Variants in NBEA observed in about 807,000 individuals in gnomAD.
NBEA encodes neurobeachin, also known as lysosomal-trafficking regulator 2.
A neutral mutation model predicts 343.4 loss-of-function variants in NBEA; 44 were observed. The observed-to-expected ratio is 0.13, with a 90% CI of 0.10 to 0.16. The LOEUF (loss-of-function observed/expected upper bound fraction) is 0.16. NBEA is among the 10% of genes least tolerant of loss of function. The pLI, the probability that NBEA is intolerant of heterozygous loss-of-function variation, is 1.00. For synonymous variants in NBEA, 1,175 were observed against 1,238.7 expected, an observed-to-expected ratio of 0.95 and a Z score of 1.08; for missense variants, 2,555 against 3,631.3, an observed-to-expected ratio of 0.70 and a Z score of 7.62.
intron 1 of NBEA, among the ~76,000 whole-genome samples, chr13:34,962,249 C>G (rs1423316979): frequency 6.6e-6 from 1 of 151,800 alleles, no homozygotes; most frequent in Non-Finnish European, 1.5e-5. Flanking sequence ...TCTAGCATGC[C>G]CTCTTTTTCT....
intron 49 of NBEA, among the ~76,000 whole-genome samples, chr13:35,639,956 CAAAA>C (rs1256138156): frequency 3.2e-5 from 2 of 63,310 alleles, no homozygotes; most frequent in Admixed American, 1.8e-4. Flanking sequence ...TTACATTTAC[CAAAA>C]AAAAAAAAAA....
chr13:35,567,067 A>G (rs1404133669), intron 45 of NBEA, 50 bp downstream of exon 45: 2 of 970,728 alleles, frequency 2.1e-6, no homozygotes, highest in Non-Finnish European at 1.6e-6. Context: ...GCTATAGTCT[A>G]ATAGTATTTC....
intron 34 of NBEA, among the ~76,000 whole-genome samples, chr13:35,249,657 C>T (rs1261448863): frequency 6.5e-4 from 99 of 152,202 alleles, no homozygotes; most frequent in African/African-American, 2.3e-3. Context: ...GTATGGAAAA[C>T]AGTATGGCAT....
rs189874824 is a variant in NBEA at position 35,653,181 on chromosome 13, C to G, written c.8035+1305C>G. Among the ~76,000 whole-genome samples, 546 of 152,126 alleles carry G rather than the reference C, an allele frequency of 3.6e-3. 3 individuals carry two copies. The highest frequency in any genetic ancestry group is 5.6e-3 in the Non-Finnish European group (383 of 67,994). On this transcript the variant is annotated intron_variant, in intron 53 of 58. Transcript: ENST00000379939. The stretch of plus-strand genomic sequence containing the variant: ...GCATCTTAGTCTTTCGAGGCCCTTC[C>G]GGTTTCATATATGTAAGACAGTTTT...
In NBEA at chr13:35,202,395, A is replaced by C. The variant is rs137905401; in HGVS notation, c.5366+6093A>C. Reference sequence around the variant, plus strand: ...TTAGTGTAATCCCCTGTTAGTGCTCAAACAGTAGAAGGGAACAGAAAGAAC... The same window carrying C: ...TTAGTGTAATCCCCTGTTAGTGCTCCAACAGTAGAAGGGAACAGAAAGAAC... On this transcript the variant is annotated intron_variant, in intron 31 of 58. Coordinates refer to ENST00000379939, the MANE Select transcript of NBEA (RefSeq NM_001385012.1). Among the ~76,000 whole-genome samples, 1,301 of 152,292 alleles carry C rather than the reference A, an allele frequency of 8.5e-3. 21 individuals are homozygous for C. Among genetic ancestry groups the C allele is most frequent in the African/African-American group, 0.029 (1,223 of 41,574 alleles).
At chr13:35,003,126 CAT>C (rs760089621) in intron 1 of NBEA, among the ~76,000 whole-genome samples, 8 of 151,982 alleles carry the variant, frequency 5.3e-5, no homozygotes, top group African/African-American at 1.5e-4. Context: ...CAACAGAAAA[CAT>C]AAAGATGGTA....
chr13:35,595,232 G>A (rs907959593), intron 47 of NBEA, among the ~76,000 whole-genome samples: 12 of 151,900 alleles, frequency 7.9e-5, no homozygotes, highest in Admixed American at 7.9e-4. Flanking sequence ...TGTATTTGGG[G>A]GGCTCCTGGG....
intron 34 of NBEA, among the ~76,000 whole-genome samples, chr13:35,263,133 A>G (rs1291935210): frequency 1.3e-5 from 2 of 152,206 alleles, no homozygotes; most frequent in African/African-American, 4.8e-5. Flanking sequence ...CATATAAACC[A>G]ATGGAATACA....
At chr13:35,296,476 A>G (rs1434689673) in intron 35 of NBEA, among the ~76,000 whole-genome samples, 1 of 152,050 alleles carries the variant, frequency 6.6e-6, no homozygotes, top group Non-Finnish European at 1.5e-5. Context: ...AAAGAAATCA[A>G]TAACCCTAGG....
chr13:35,248,416 G>A (rs1847584016), intron 34 of NBEA, among the ~76,000 whole-genome samples: 1 of 152,040 alleles, frequency 6.6e-6, no homozygotes, highest in Admixed American at 6.6e-5. Context: ...AAATTCATAT[G>A]GAATCTCAAG....
intron 35 of NBEA, among the ~76,000 whole-genome samples, chr13:35,293,639 C>T (rs1201391484): frequency 2.6e-5 from 4 of 151,844 alleles, no homozygotes; most frequent in Non-Finnish European, 5.9e-5. Flanking sequence ...AGTGCTTATT[C>T]TCTATTTGTG....
Position 35,375,334 on chromosome 13 carries a change from C to T in NBEA, c.6179+23011C>T, listed in dbSNP as rs1375299158. On this transcript the variant is annotated intron_variant, in intron 38 of 58. Coordinates refer to ENST00000379939, the MANE Select transcript of NBEA (RefSeq NM_001385012.1). Reference sequence around the variant, plus strand: ...TAGCCACGCCGTCTCAACGTAAGGTCATCTCATACATCATATTCGTGTGCT... The same window carrying T: ...TAGCCACGCCGTCTCAACGTAAGGTTATCTCATACATCATATTCGTGTGCT... 3.3e-5 allele frequency among the ~76,000 whole-genome samples: 5 copies of T among 152,208 alleles called. No homozygotes were observed. In the East Asian group the frequency reaches 9.6e-4, roughly 29 times the overall value.
intron 41 of NBEA, chr13:35,474,823 G>C (rs2075791142): frequency 2.0e-6 from 1 of 494,658 alleles, no homozygotes; most frequent in African/African-American, 1.9e-5. Context: ...ATAGGAAATC[G>C]TGTGGAAAGA....
chr13:35,472,125 T>C (rs552861508), intron 40 of NBEA, among the ~76,000 whole-genome samples: 7 of 152,262 alleles, frequency 4.6e-5, no homozygotes, highest in African/African-American at 1.7e-4. Flanking sequence ...TGGCAGCCCC[T>C]TACCAACCAT....
At chr13:35,373,583 T>G (rs1314773132) in intron 38 of NBEA, among the ~76,000 whole-genome samples, 3 of 151,640 alleles carry the variant, frequency 2.0e-5, no homozygotes, top group East Asian at 1.9e-4. Flanking sequence ...TGCATGCCTG[T>G]AGTCCCAGCT....
chr13:35,436,485 T>A lies in NBEA; in HGVS notation c.6304+4092T>A, dbSNP rs577413480. Reference sequence around the variant, plus strand: ...CAGCACTTTGGGAGGCTGAGGCGGGTGGATCACGAGGTCAGGAGATCAAGA... The same window carrying A: ...CAGCACTTTGGGAGGCTGAGGCGGGAGGATCACGAGGTCAGGAGATCAAGA... On this transcript the variant is annotated intron_variant, in intron 39 of 58. Coordinates refer to ENST00000379939, the MANE Select transcript of NBEA (RefSeq NM_001385012.1). Among the ~76,000 whole-genome samples, 3 of 151,964 alleles carry A rather than the reference T, an allele frequency of 2.0e-5. No homozygotes were observed. The South Asian group carries it at 6.2e-4, about 32-fold the overall frequency.
In NBEA at chr13:35,600,537, G is replaced by A. The variant is rs192838426; in HGVS notation, c.7297-5889G>A. Among the ~76,000 whole-genome samples, 1,237 of 151,988 alleles carry A rather than the reference G, an allele frequency of 8.1e-3. 5 individuals carry two copies. Among genetic ancestry groups the A allele is most frequent in the Middle Eastern group, 0.024 (7 of 294 alleles). On this transcript the variant is annotated intron_variant, in intron 47 of 58. Coordinates refer to ENST00000379939, the MANE Select transcript of NBEA (RefSeq NM_001385012.1). ...GTCTCAGAAGTAATATTTTTGATCCGTGCCCCTAAAAAAAATTGAGACCAA... is the reference window on the plus strand; with the variant it reads ...GTCTCAGAAGTAATATTTTTGATCCATGCCCCTAAAAAAAATTGAGACCAA...
rs751193801 is a variant in NBEA at position 34,988,013 on chromosome 13, T to G, written c.294+44899T>G. ...TACTTCTGTCAGCTCGTCAAAGTCA[T>G]TCTCCATGCAGCTTTGTTCTTTGCT... On this transcript the variant is annotated intron_variant, in intron 1 of 58. Transcript: ENST00000379939. 2.4e-4 allele frequency among the ~76,000 whole-genome samples: 37 copies of G among 151,304 alleles called. 2 individuals are homozygous for G. The highest frequency in any genetic ancestry group is 4.4e-4 in the Non-Finnish European group (30 of 67,536).
At chr13:35,395,646 T>G (rs2152902963) in intron 38 of NBEA, among the ~76,000 whole-genome samples, 1 of 152,232 alleles carries the variant, frequency 6.6e-6, no homozygotes, top group Non-Finnish European at 1.5e-5. Context: ...TTCTATAAAT[T>G]TAAATTAGGT....
Sources: gnomAD v4.1 joint callset for allele counts (sites outside exome capture counted in the v4.1 genomes callset) on GRCh38, gnomAD v4.1.1 for gene constraint, MANE v1.5 for transcripts, NCBI Gene and HGNC (gene_info 2026-07-23, HGNC 2026-07-21) for gene names.